Variants in GNAL observed in about 807,000 individuals in gnomAD.
The protein encoded by GNAL is G protein subunit alpha L.
In GNAL, 18 loss-of-function variants were observed where a neutral mutation model predicts 55.1. The observed-to-expected ratio is 0.33, with a 90% confidence interval of 0.23 to 0.48. The LOEUF (loss-of-function observed/expected upper bound fraction) is 0.48. Among genes scored for constraint, GNAL ranks in the 20% least tolerant of loss-of-function variants. The pLI is 0.99. For missense variants in GNAL, 412 were observed against 614.1 expected (o/e 0.67, Z 3.48); for synonymous variants, 253 against 237.0 (o/e 1.07, Z -0.62).
chr18:11,736,639 G>A (rs1224327694), intron 1 of GNAL, among the ~76,000 whole-genome samples: 1 of 152,164 alleles, frequency 6.6e-6, no homozygotes, highest in Non-Finnish European at 1.5e-5. Context: ...AGCTCATGAA[G>A]AACAACCTTC....
At chr18:11,805,371 T>C (rs898828841) in intron 4 of GNAL, among the ~76,000 whole-genome samples, 8 of 152,120 alleles carry the variant, frequency 5.3e-5, no homozygotes, top group Non-Finnish European at 8.8e-5. Flanking sequence ...AGGTATTCTG[T>C]ACTGGTAAAG....
chr18:11,877,360 CAGG>C (rs1435927704), intron 11 of GNAL, among the ~76,000 whole-genome samples: 1 of 152,132 alleles, frequency 6.6e-6, no homozygotes, highest in African/African-American at 2.4e-5. Context: ...GAGGCTGAGG[CAGG>C]AGAATTGCTG....
intron 1 of GNAL, among the ~76,000 whole-genome samples, chr18:11,735,768 GAAAGAGA>G (rs1381611153): frequency 1.5e-5 from 2 of 134,596 alleles, no homozygotes; most frequent in African/African-American, 6.3e-5. Flanking sequence ...AAAAAAAAAA[GAAAGAGA>G]GAAAGAAAGG....
At chr18:11,694,724 T>G (rs540374516) in intron 1 of GNAL, among the ~76,000 whole-genome samples, 7 of 152,302 alleles carry the variant, frequency 4.6e-5, no homozygotes, top group East Asian at 1.9e-4. Flanking sequence ...AGGTATGTGT[T>G]AGTCAGCTTG....
At chr18:11,851,840 A>T in intron 5 of GNAL, 1 of 1,613,890 alleles carries the variant, frequency 6.2e-7, no homozygotes, top group East Asian at 2.2e-5. Flanking sequence ...AATCTGGAGA[A>T]GATTTCTGCT....
chr18:11,808,763 A>G (rs2034730090), intron 4 of GNAL, among the ~76,000 whole-genome samples: 1 of 152,270 alleles, frequency 6.6e-6, no homozygotes, highest in Non-Finnish European at 1.5e-5. Context: ...TGTTCATCAA[A>G]TGACAGATGG....
At chr18:11,702,489 A>G (rs908473880) in intron 1 of GNAL, among the ~76,000 whole-genome samples, 1 of 152,232 alleles carries the variant, frequency 6.6e-6, no homozygotes, top group African/African-American at 2.4e-5. Context: ...TTTGATTTGT[A>G]GAGCAGCTTG....
intron 9 of GNAL, among the ~76,000 whole-genome samples, chr18:11,869,335 G>A (rs1439638378): frequency 6.6e-6 from 1 of 151,842 alleles, no homozygotes; most frequent in East Asian, 1.9e-4. Flanking sequence ...AGTAGAGACC[G>A]GGTTTCACCA....
intron 1 of GNAL, among the ~76,000 whole-genome samples, chr18:11,723,104 A>C (rs1427944401): frequency 6.6e-6 from 1 of 152,076 alleles, no homozygotes; most frequent in East Asian, 1.9e-4. Flanking sequence ...GAATCACTTG[A>C]ACCTAGGAGG....
chr18:11,882,795 T>G lies in GNAL; in HGVS notation c.*1660T>G, dbSNP rs641010. The G allele has an allele frequency of 6.6e-6, 1 of 151,834 alleles. No individual in the cohort carries two copies. Among genetic ancestry groups the G allele is most frequent in the Non-Finnish European group, 1.5e-5 (1 of 68,014 alleles). The allele number at this position is 151,834 out of a possible 1,614,324, so 9.4% of individuals were successfully genotyped here. On this transcript the variant is annotated 3_prime_UTR_variant, in exon 12 of 12. Coordinates refer to ENST00000334049, the MANE Select transcript of GNAL (RefSeq NM_182978.4). ...AAGAAGAAACATTACAAAACCTTAA[T>G]CTGAAGTATAAAGTCAAAAGATACG...
intron 1 of GNAL, among the ~76,000 whole-genome samples, chr18:11,749,805 C>T (rs928545141): frequency 2.6e-5 from 4 of 152,080 alleles, no homozygotes; most frequent in Non-Finnish European, 5.9e-5. Flanking sequence ...AAAGAGAGTC[C>T]CCAGGTATTC....
chr18:11,776,729 A>AAG lies in GNAL; in HGVS notation c.624+22784_624+22785insAG, dbSNP rs367983717. Among the ~76,000 whole-genome samples the AAG allele has an allele frequency of 2.9e-4, 43 of 145,954 alleles. 2 individuals are homozygous for AAG. The highest frequency in any genetic ancestry group is 1.0e-3 in the African/African-American group (39 of 38,254). On this transcript the variant is annotated intron_variant, in intron 4 of 11. Transcript: ENST00000334049. ...CCTCAAAAAAAAAAAAAAAAAAAAA[A>AAG]GAATTTACACCTTGCAAATGCAACA...
At chr18:11,763,032 T>G (rs925098815) in intron 4 of GNAL, among the ~76,000 whole-genome samples, 1 of 152,266 alleles carries the variant, frequency 6.6e-6, no homozygotes, top group Non-Finnish European at 1.5e-5. Flanking sequence ...ATTAACCGTA[T>G]TAGAGCTTCA....
intron 4 of GNAL, among the ~76,000 whole-genome samples, chr18:11,798,048 A>G (rs1356196767): frequency 6.6e-6 from 1 of 152,216 alleles, no homozygotes; most frequent in Non-Finnish European, 1.5e-5. Context: ...TAGCAAAGAT[A>G]TAATGATCAA....
rs2036857876 is a variant in GNAL, at chr18:11,884,340, CAG to C, written c.*3211_*3212del. The C allele has an allele frequency of 1.1e-5, 12 of 1,060,508 alleles. No individual in the cohort carries two copies. In the East Asian group the frequency reaches 1.9e-4, roughly 17 times the overall value. 65.7% of individuals were successfully genotyped at this position (1,060,508 alleles called of 1,614,324 possible). On this transcript the variant is annotated 3_prime_UTR_variant, in exon 12 of 12. Transcript: ENST00000334049. ...AGTGATTGAGAATTTCTGTGCTGTG[CAG>C]AGAGACGGCCTGTAATTGGTCTCAT...
At chr18:11,816,627 A>C (rs1048993433) in intron 4 of GNAL, among the ~76,000 whole-genome samples, 2 of 152,056 alleles carry the variant, frequency 1.3e-5, no homozygotes, top group African/African-American at 4.8e-5. Flanking sequence ...CAGCCTGGCC[A>C]ACACGGTGAA....
chr18:11,884,454 C>CTT lies in GNAL; in HGVS notation c.*3320_*3321dup, dbSNP rs201590706. 10 of 1,614,006 alleles carry CTT rather than the reference C, an allele frequency of 6.2e-6. No homozygotes were observed. In the East Asian group the frequency reaches 2.2e-4, roughly 36 times the overall value. On this transcript the variant is annotated 3_prime_UTR_variant, in exon 12 of 12. Transcript: ENST00000334049. ...TAATGGCGCCTGCTCTTCATCTTGTCTTACGCTTTCCGAGCAAGTTCAAAC... is the reference window on the plus strand; with the variant it reads ...TAATGGCGCCTGCTCTTCATCTTGTCTTTTACGCTTTCCGAGCAAGTTCAAAC...
At position 11,752,682 on chromosome 18, in the gene GNAL, A is replaced by T; in HGVS notation, c.377-171A>T. On this transcript the variant is annotated intron_variant, in intron 1 of 11. Transcript: ENST00000334049. The surrounding 1 kb of genome is among the most constrained non-coding windows in gnomAD (Gnocchi z 4.5). ...GCAGGGCCGGGCGAGGGTCGCGCGC[A>T]CCTCTGGGCCGCGGAGCCCAGACGG... 1 of 1,223,280 alleles carries T rather than the reference A, an allele frequency of 8.2e-7. No homozygotes were observed. The highest frequency in any genetic ancestry group is 1.1e-6 in the Non-Finnish European group (1 of 935,298). The allele number at this position is 1,223,280 out of a possible 1,614,324, so 75.8% of individuals were successfully genotyped here.
At chr18:11,711,909 C>CA (rs2031848335) in intron 1 of GNAL, among the ~76,000 whole-genome samples, 1 of 152,234 alleles carries the variant, frequency 6.6e-6, no homozygotes, top group Non-Finnish European at 1.5e-5. Flanking sequence ...GGGAAGCTCT[C>CA]AAACTTTTTC....
Sources: gnomAD v4.1 joint callset for allele counts (sites outside exome capture counted in the v4.1 genomes callset) on GRCh38, gnomAD v4.1.1 for gene constraint, Gnocchi (gnomAD v3.1) non-coding constraint, MANE v1.5 for transcripts, NCBI Gene and HGNC (gene_info 2026-07-23, HGNC 2026-07-21) for gene names.